C12orf42: variants seen among roughly 807,000 people sequenced by gnomAD.
C12orf42 encodes the protein uncharacterized protein C12orf42.
A neutral mutation model predicts 21.6 loss-of-function variants in C12orf42; 25 were observed. The ratio of observed to expected loss-of-function variants is 1.16; its 90% CI spans 0.84 to 1.62. The LOEUF is 1.62. Among genes scored for constraint, C12orf42 ranks in the 40% most tolerant of loss-of-function variants. The probability of loss-of-function intolerance (pLI) is 0.00; values close to 1 mark genes in which losing one functional copy is unlikely to be tolerated. For missense variants in C12orf42, 483 were observed against 459.3 expected (o/e 1.05, Z -0.47); for synonymous variants, 174 against 175.0 (o/e 0.99, Z 0.05).
At chr12:103,482,180 T>A (rs1228229350) in intron 1 of C12orf42, among the ~76,000 whole-genome samples, 1 of 152,152 alleles carries the variant, frequency 6.6e-6, no homozygotes, top group African/African-American at 2.4e-5. Flanking sequence ...GCATCTCAAA[T>A]CTGTCTGGGA....
At chr12:103,059,731 T>C in the C12orf42 span, among the ~76,000 whole-genome samples, 3 of 152,122 alleles carry the variant, frequency 2.0e-5, no homozygotes, top group Admixed American at 1.3e-4. Flanking sequence ...AAAACCAATG[T>C]CAAGGATTAT....
rs1465188242 is a variant in C12orf42, at chr12:103,422,816, T to C, written c.79-21141A>G. 6.0e-5 allele frequency among the ~76,000 whole-genome samples: 9 copies of C among 149,498 alleles called. No homozygotes were observed. The East Asian group carries it at 1.6e-3, about 26-fold the overall frequency. ...TTCCAATAATCCCAACAAAACTAAA[T>C]TGCAACCTGGGAACATTAAAAAAAA... On this transcript the variant is annotated intron_variant, in intron 2 of 5. Transcript: ENST00000548883.
the C12orf42 span, among the ~76,000 whole-genome samples, chr12:103,166,035 G>A: frequency 2.9e-5 from 4 of 135,728 alleles, no homozygotes; most frequent in South Asian, 2.4e-4. Context: ...GCGAGACTCC[G>A]TCTCAAAAAA....
At chr12:103,375,250 C>G (rs936503041) in intron 3 of C12orf42, among the ~76,000 whole-genome samples, 2 of 151,998 alleles carry the variant, frequency 1.3e-5, no homozygotes, top group Non-Finnish European at 2.9e-5. Flanking sequence ...CAGAGTTATC[C>G]AAGACCGATT....
At chr12:103,539,926 T>C in the C12orf42 span, among the ~76,000 whole-genome samples, 1,047 of 152,292 alleles carry the variant, frequency 6.9e-3, 20 homozygotes, top group African/African-American at 0.024. Context: ...AAAGGTGACA[T>C]GCTAAACGTA....
intron 4 of C12orf42, among the ~76,000 whole-genome samples, chr12:103,337,366 GT>G (rs2041786351): frequency 6.6e-6 from 1 of 151,824 alleles, no homozygotes; most frequent in South Asian, 2.1e-4. Flanking sequence ...TTGTTTGTTT[GT>G]TTTTGATGGA....
intron 4 of C12orf42, among the ~76,000 whole-genome samples, chr12:103,358,255 C>T (rs1411000328): frequency 6.6e-6 from 1 of 152,102 alleles, no homozygotes; most frequent in African/African-American, 2.4e-5. Flanking sequence ...TAAACTCCAC[C>T]TCTTAATGGG....
the C12orf42 span, among the ~76,000 whole-genome samples, chr12:103,180,598 G>C: frequency 7.5e-6 from 1 of 133,466 alleles, no homozygotes; most frequent in African/African-American, 2.9e-5. Context: ...CCAGGAATCT[G>C]CATTTAAAAT....
At chr12:103,294,958 T>C (rs1383302495) in intron 4 of C12orf42, among the ~76,000 whole-genome samples, 1 of 152,064 alleles carries the variant, frequency 6.6e-6, no homozygotes, top group Non-Finnish European at 1.5e-5. Context: ...GTGTGTTGTT[T>C]CCCTTCATGT....
At chr12:103,393,684 G>C (rs2047265688) in intron 3 of C12orf42, among the ~76,000 whole-genome samples, 2 of 152,128 alleles carry the variant, frequency 1.3e-5, no homozygotes, top group South Asian at 4.2e-4. Flanking sequence ...GAGTTTTTTT[G>C]TTCACTGCTA....
chr12:103,121,044 C>T, the C12orf42 span, among the ~76,000 whole-genome samples: 1 of 152,030 alleles, frequency 6.6e-6, no homozygotes, highest in African/African-American at 2.4e-5. Flanking sequence ...TCATTTAAGT[C>T]AGTTAAAGTG....
the C12orf42 span, among the ~76,000 whole-genome samples, chr12:103,114,356 C>T: frequency 6.1e-3 from 925 of 152,284 alleles, 3 homozygotes; most frequent in Non-Finnish European, 9.2e-3. Flanking sequence ...TGGGTTAGGA[C>T]TCAGATGGTC....
At chr12:103,145,962 G>GAGAGAGAA in the C12orf42 span, among the ~76,000 whole-genome samples, 2 of 151,972 alleles carry the variant, frequency 1.3e-5, no homozygotes, top group East Asian at 3.8e-4. Flanking sequence ...TATAGAGAGA[G>GAGAGAGAA]AGAGAGAAAG....
At chr12:103,542,471 T>G in the C12orf42 span, among the ~76,000 whole-genome samples, 1 of 152,234 alleles carries the variant, frequency 6.6e-6, no homozygotes, top group Non-Finnish European at 1.5e-5. Flanking sequence ...TCAAGGCTTT[T>G]AAAGACAGAA....
At chr12:103,497,098 A>AT (rs939187784), upstream of C12orf42, among the ~76,000 whole-genome samples, 2 of 152,268 alleles carry the variant, frequency 1.3e-5, no homozygotes, top group Non-Finnish European at 2.9e-5. Flanking sequence ...ATTAAAATGC[A>AT]TTTTTTTAAA....
At chr12:103,124,074 C>CAAGAATGT in the C12orf42 span, among the ~76,000 whole-genome samples, 2 of 144,432 alleles carry the variant, frequency 1.4e-5, no homozygotes, top group Non-Finnish European at 3.0e-5. Context: ...GACTCTGTAT[C>CAAGAATGT]AAGAATGTAA....
intron 3 of C12orf42, chr12:103,397,614 C>T (rs1204573085): frequency 6.6e-6 from 1 of 152,188 alleles, no homozygotes; most frequent in African/African-American, 2.4e-5. Flanking sequence ...TTATCTTCCA[C>T]AAAACCAATT....
At chr12:103,448,299 G>A (rs999181493) in intron 2 of C12orf42, among the ~76,000 whole-genome samples, 3 of 151,974 alleles carry the variant, frequency 2.0e-5, no homozygotes, top group Admixed American at 1.3e-4. Context: ...AACTCAAGAT[G>A]GGTCAAAGAC....
chr12:103,221,078 T>A, the C12orf42 span, among the ~76,000 whole-genome samples: 1 of 152,246 alleles, frequency 6.6e-6, no homozygotes, highest in African/African-American at 2.4e-5. Flanking sequence ...AACAGCTGAA[T>A]GTCAAACGAT....
Sources: gnomAD v4.1 joint callset for allele counts (sites outside exome capture counted in the v4.1 genomes callset) on GRCh38, gnomAD v4.1.1 for gene constraint, MANE v1.5 for transcripts, NCBI Gene and HGNC (gene_info 2026-07-23, HGNC 2026-07-21) for gene names.